The following CDH4 variants were observed in gnomAD, a reference collection of about 807,000 sequenced individuals.
CDH4 encodes the protein cadherin-4.
In CDH4, 33 loss-of-function variants were observed where a neutral mutation model predicts 86.0. That is an observed-to-expected ratio of 0.38 (90% confidence interval 0.29 to 0.51). The LOEUF (loss-of-function observed/expected upper bound fraction) is 0.51, where lower values mean the gene tolerates loss of function less well. Ranked by LOEUF, CDH4 falls within the 20% of genes least tolerant of loss-of-function variation. The probability of loss-of-function intolerance (pLI) is 0.86; values close to 1 mark genes in which losing one functional copy is unlikely to be tolerated. For synonymous variants in CDH4, 555 were observed against 549.4 expected (o/e 1.01, Z -0.14); for missense variants, 1,114 against 1,307.4 (o/e 0.85, Z 2.28).
intron 2 of CDH4, among the ~76,000 whole-genome samples, chr20:61,680,690 G>A (rs1456964769): frequency 6.6e-6 from 1 of 152,180 alleles, no homozygotes. Flanking sequence ...GGTTCAGCAA[G>A]TTCGATGCTT....
intron 2 of CDH4, chr20:61,570,459 T>G (rs74967573): frequency 5.4e-6 from 3 of 557,046 alleles, no homozygotes; most frequent in Non-Finnish European, 6.4e-6. Context: ...TTGACCCGAA[T>G]TGCTTCTTCC....
intron 2 of CDH4, among the ~76,000 whole-genome samples, chr20:61,673,023 G>A (rs1252369099): frequency 6.6e-6 from 1 of 152,156 alleles, no homozygotes; most frequent in East Asian, 1.9e-4. Context: ...GACAAAGATA[G>A]CATCAGAGAG....
intron 2 of CDH4, among the ~76,000 whole-genome samples, chr20:61,565,310 GTGGTGGCGGTGCTCTTGGTGA>G (rs1161899882): frequency 2.6e-5 from 3 of 114,024 alleles, no homozygotes; most frequent in Non-Finnish European, 4.0e-5. Flanking sequence ...GGTGCTCTTG[GTGGTGGCGGTGCTCTTGGTGA>G]TGGTGGTAGT....
chr20:61,871,067 A>G (rs1352222582), intron 6 of CDH4, among the ~76,000 whole-genome samples: 1 of 139,196 alleles, frequency 7.2e-6, no homozygotes, highest in East Asian at 2.1e-4. Flanking sequence ...GTGTGTGTGT[A>G]CATATCAGAG....
At chr20:61,409,500 G>C (rs1261935702) in intron 2 of CDH4, among the ~76,000 whole-genome samples, 1 of 152,238 alleles carries the variant, frequency 6.6e-6, no homozygotes, top group Non-Finnish European at 1.5e-5. Context: ...GGGAAGGGCT[G>C]CATGCTCATC....
chr20:61,931,411 TC>T (rs546742630), intron 13 of CDH4, among the ~76,000 whole-genome samples: 1 of 152,124 alleles, frequency 6.6e-6, no homozygotes, highest in African/African-American at 2.4e-5. Flanking sequence ...ACAGAGCTCC[TC>T]CCAAGCCTCC....
At chr20:61,521,217 T>C (rs1053001438) in intron 2 of CDH4, among the ~76,000 whole-genome samples, 1 of 152,154 alleles carries the variant, frequency 6.6e-6, no homozygotes, top group Admixed American at 6.5e-5. Context: ...GCTTCTGAGC[T>C]CCTGCCAGAT....
At chr20:61,718,325 C>T (rs11907580) in intron 2 of CDH4, 3,380 of 166,922 alleles carry the variant, frequency 0.02, 118 homozygotes, top group African/African-American at 0.076. Context: ...AAGCCACACT[C>T]GAGTCACTGT....
intron 7 of CDH4, among the ~76,000 whole-genome samples, chr20:61,886,582 C>T (rs529505431): frequency 6.6e-6 from 1 of 152,332 alleles, no homozygotes; most frequent in South Asian, 2.1e-4. Context: ...GCCCAGACAC[C>T]TCCATCGAGG....
At chr20:61,539,245 C>T (rs114236736) in intron 2 of CDH4, among the ~76,000 whole-genome samples, 2,214 of 152,324 alleles carry the variant, frequency 0.015, 64 homozygotes, top group African/African-American at 0.051. Flanking sequence ...GGGTCTCACC[C>T]AGCCCCAGCT....
chr20:61,571,112 G>A (rs751034582), intron 2 of CDH4, among the ~76,000 whole-genome samples: 10 of 152,298 alleles, frequency 6.6e-5, no homozygotes, highest in African/African-American at 1.4e-4. Context: ...CATCCTCGGC[G>A]TGGCTGTGTG....
intron 2 of CDH4, among the ~76,000 whole-genome samples, chr20:61,286,231 T>C (rs1053658871): frequency 2.0e-5 from 3 of 152,232 alleles, no homozygotes; most frequent in Admixed American, 1.3e-4. Context: ...CCGGCTTGAT[T>C]AGCTGGACAG....
intron 7 of CDH4, among the ~76,000 whole-genome samples, chr20:61,881,579 G>A (rs530471650): frequency 6.6e-6 from 1 of 152,338 alleles, no homozygotes; most frequent in South Asian, 2.1e-4. Flanking sequence ...CTTTGGAACT[G>A]GGCCCAGGCG....
intron 4 of CDH4, among the ~76,000 whole-genome samples, chr20:61,789,213 A>C (rs1979036774): frequency 6.6e-6 from 1 of 152,166 alleles, no homozygotes; most frequent in Non-Finnish European, 1.5e-5. Flanking sequence ...ATGCATCTGC[A>C]CCTGAGCTGT....
intron 2 of CDH4, among the ~76,000 whole-genome samples, chr20:61,294,263 G>C (rs1296141276): frequency 6.6e-6 from 1 of 152,200 alleles, no homozygotes; most frequent in Non-Finnish European, 1.5e-5. Flanking sequence ...CTGCACCGGG[G>C]CCAGGGCTGC....
intron 2 of CDH4, among the ~76,000 whole-genome samples, chr20:61,674,945 T>C (rs1600862959): frequency 6.6e-6 from 1 of 152,234 alleles, no homozygotes; most frequent in African/African-American, 2.4e-5. Flanking sequence ...TGGCTGCCTT[T>C]GCCTCTGCTG....
chr20:61,410,586 G>A (rs1467153385), intron 2 of CDH4, among the ~76,000 whole-genome samples: 11 of 149,120 alleles, frequency 7.4e-5, no homozygotes, highest in Admixed American at 7.3e-4. Flanking sequence ...TCATCCATCT[G>A]TCAATCATCC....
At chr20:61,658,743 G>A (rs1411891944) in intron 2 of CDH4, among the ~76,000 whole-genome samples, 3 of 152,184 alleles carry the variant, frequency 2.0e-5, no homozygotes, top group African/African-American at 7.2e-5. Flanking sequence ...GAACTGGATA[G>A]TCAGAGCTGG....
intron 2 of CDH4, among the ~76,000 whole-genome samples, chr20:61,548,300 G>A (rs1292603462): frequency 6.6e-6 from 1 of 152,196 alleles, no homozygotes; most frequent in South Asian, 2.1e-4. Flanking sequence ...AGCTGAGAGG[G>A]CTCCAGGCTG....
Sources: gnomAD v4.1 joint callset for allele counts (sites outside exome capture counted in the v4.1 genomes callset) on GRCh38, gnomAD v4.1.1 for gene constraint, MANE v1.5 for transcripts, NCBI Gene and HGNC (gene_info 2026-07-23, HGNC 2026-07-21) for gene names.